Variants in CADPS observed in about 807,000 individuals in gnomAD.
CADPS encodes the protein calcium dependent secretion activator.
Under a neutral mutation model 167.3 loss-of-function variants are expected in CADPS, and 57 were observed. The observed-to-expected ratio is 0.34, with a 90% CI of 0.28 to 0.42. The LOEUF (loss-of-function observed/expected upper bound fraction) is 0.42. Ranked by LOEUF, CADPS falls within the 20% of genes least tolerant of loss-of-function variation. CADPS has a pLI of 1.00. For missense variants in CADPS, 1,414 were observed against 1,738.1 expected (o/e 0.81, Z 3.32); for synonymous variants, 676 against 635.3 (o/e 1.06, Z -0.96).
chr3:62,852,818 C>T (rs1029365009), intron 1 of CADPS, among the ~76,000 whole-genome samples: 2 of 152,152 alleles, frequency 1.3e-5, no homozygotes, highest in African/African-American at 4.8e-5. Flanking sequence ...ACATTTTTCC[C>T]TCAACACTTC....
chr3:62,686,613 A>G (rs1031063690), intron 3 of CADPS, among the ~76,000 whole-genome samples: 1 of 151,980 alleles, frequency 6.6e-6, no homozygotes, highest in African/African-American at 2.4e-5. Flanking sequence ...CATAATCCCC[A>G]TATTTCATAA....
At chr3:62,404,898 C>T (rs566706385) in intron 28 of CADPS, 2 of 147,926 alleles carry the variant, frequency 1.4e-5, no homozygotes, top group South Asian at 2.2e-4. Context: ...GAACATTTTA[C>T]TGAAAATTTT....
intron 21 of CADPS, among the ~76,000 whole-genome samples, chr3:62,485,722 T>C (rs773435690): frequency 3.0e-4 from 46 of 152,190 alleles, no homozygotes; most frequent in Non-Finnish European, 4.4e-4. Flanking sequence ...CAAACATTTA[T>C]TGAGCACCTG....
At chr3:62,743,008 A>G (rs977881218) in intron 3 of CADPS, among the ~76,000 whole-genome samples, 1 of 152,244 alleles carries the variant, frequency 6.6e-6, no homozygotes, top group Non-Finnish European at 1.5e-5. Flanking sequence ...TGCAGCCAAC[A>G]ATCATATGAA....
At chr3:62,822,869 A>G (rs1007581135) in intron 1 of CADPS, among the ~76,000 whole-genome samples, 6 of 152,014 alleles carry the variant, frequency 3.9e-5, no homozygotes, top group African/African-American at 1.4e-4. Flanking sequence ...AATTAAAATT[A>G]AATTAAAAAA....
chr3:62,488,612 C>T (rs1354356429), intron 21 of CADPS, among the ~76,000 whole-genome samples: 3 of 152,102 alleles, frequency 2.0e-5, no homozygotes, highest in African/African-American at 7.2e-5. Flanking sequence ...CCCACCTCAG[C>T]CTCCTGAGTA....
intron 9 of CADPS, among the ~76,000 whole-genome samples, chr3:62,569,956 G>A (rs1421367005): frequency 6.6e-6 from 1 of 151,986 alleles, no homozygotes; most frequent in African/African-American, 2.4e-5. Flanking sequence ...TACTATTTCT[G>A]GAAAAAAATT....
intron 26 of CADPS, among the ~76,000 whole-genome samples, chr3:62,457,923 G>A (rs1432499027): frequency 1.3e-5 from 2 of 152,110 alleles, no homozygotes; most frequent in Non-Finnish European, 2.9e-5. Flanking sequence ...ACACACTGGG[G>A]CCTGTTGAAG....
chr3:62,405,288 C>A (rs1398354159), intron 28 of CADPS, among the ~76,000 whole-genome samples: 1 of 151,886 alleles, frequency 6.6e-6, no homozygotes, highest in Non-Finnish European at 1.5e-5. Flanking sequence ...GGGTACATCT[C>A]AGGGACACAA....
At chr3:62,863,221 T>C (rs2081122077) in intron 1 of CADPS, among the ~76,000 whole-genome samples, 1 of 152,130 alleles carries the variant, frequency 6.6e-6, no homozygotes, top group Admixed American at 6.5e-5. Flanking sequence ...ACATAGCACA[T>C]GGTTAAGTGT....
chr3:62,817,468 G>GA (rs1480897359), intron 1 of CADPS, among the ~76,000 whole-genome samples: 5 of 152,060 alleles, frequency 3.3e-5, no homozygotes, highest in Non-Finnish European at 7.4e-5. Flanking sequence ...CCTGGAAAAG[G>GA]AAAAAATCTA....
intron 6 of CADPS, among the ~76,000 whole-genome samples, chr3:62,624,963 T>G (rs1387454102): frequency 2.8e-5 from 4 of 143,868 alleles, no homozygotes; most frequent in Admixed American, 2.7e-4. Context: ...AATTTGAAAC[T>G]TACAATGGAG....
chr3:62,783,421 C>T (rs567640394), intron 1 of CADPS, among the ~76,000 whole-genome samples: 1 of 152,108 alleles, frequency 6.6e-6, no homozygotes, highest in African/African-American at 2.4e-5. Context: ...TAATCTGAGC[C>T]TCAGGTTAGC....
chr3:62,619,862 C>G (rs908452207), intron 6 of CADPS, among the ~76,000 whole-genome samples: 1 of 152,104 alleles, frequency 6.6e-6, no homozygotes, highest in Non-Finnish European at 1.5e-5. Flanking sequence ...AGTGACTGCT[C>G]TTTGAGGTGC....
chr3:62,492,500 G>T, intron 19 of CADPS, 54 bp from the exon 20 acceptor site: 1 of 1,547,044 alleles, frequency 6.5e-7, no homozygotes, highest in South Asian at 1.1e-5. Context: ...CTTCTTTCTC[G>T]GACATAAGAC....
At chr3:62,826,235 A>G (rs1006701612) in intron 1 of CADPS, among the ~76,000 whole-genome samples, 11 of 152,136 alleles carry the variant, frequency 7.2e-5, no homozygotes, top group African/African-American at 2.7e-4. Flanking sequence ...ACTTATCAAA[A>G]AGAGAAAGGA....
intron 18 of CADPS, among the ~76,000 whole-genome samples, chr3:62,494,538 G>A (rs1197081293): frequency 6.6e-6 from 1 of 152,104 alleles, no homozygotes; most frequent in African/African-American, 2.4e-5. Context: ...GGAAGACTGA[G>A]TTGCCTCCCC....
At chr3:62,640,045 T>C (rs1024064425) in intron 6 of CADPS, among the ~76,000 whole-genome samples, 2 of 152,224 alleles carry the variant, frequency 1.3e-5, no homozygotes, top group African/African-American at 2.4e-5. Flanking sequence ...CTTGAATGTT[T>C]GATCCACAGG....
chr3:62,644,006 C>T (rs934783335), intron 6 of CADPS, among the ~76,000 whole-genome samples: 1 of 152,168 alleles, frequency 6.6e-6, no homozygotes, highest in Non-Finnish European at 1.5e-5. Flanking sequence ...GCATTGGTTT[C>T]CATTTCCTCT....
Sources: allele counts gnomAD v4.1 joint callset (sites outside exome capture counted in the v4.1 genomes callset), GRCh38; gene constraint gnomAD v4.1.1; transcripts MANE v1.5; gene names NCBI Gene and HGNC (gene_info 2026-07-23, HGNC 2026-07-21).